Variants in XRN1 observed in about 807,000 individuals in gnomAD.
XRN1 encodes 5'-3' exoribonuclease 1.
XRN1 carries 67 observed loss-of-function variants against 222.3 expected under a neutral mutation model. The ratio of observed to expected loss-of-function variants is 0.30; its 90% CI spans 0.25 to 0.37. XRN1 has a LOEUF of 0.37. Ranked by LOEUF, XRN1 falls within the 10% of genes least tolerant of loss-of-function variation. The pLI is 1.00. For synonymous variants in XRN1, 643 were observed against 652.4 expected (o/e 0.99, Z 0.22); for missense variants, 1,707 against 2,000.2 (o/e 0.85, Z 2.80).
chr3:142,312,273 C>G (rs1376377037), intron 40 of XRN1, among the ~76,000 whole-genome samples: 1 of 151,788 alleles, frequency 6.6e-6, no homozygotes, highest in Non-Finnish European at 1.5e-5. Flanking sequence ...GAGTGAGATC[C>G]TTCTCCAAAA....
chr3:142,433,059 G>A (rs1368714232), intron 1 of XRN1, among the ~76,000 whole-genome samples, 166 bp from the exon 2 acceptor site: 1 of 152,126 alleles, frequency 6.6e-6, no homozygotes, highest in Non-Finnish European at 1.5e-5. Flanking sequence ...TAAAGAATTG[G>A]TAATATGGTG....
intron 27 of XRN1, among the ~76,000 whole-genome samples, chr3:142,367,379 ATTTG>A (rs1442718375): frequency 1.1e-5 from 1 of 91,970 alleles, no homozygotes. Context: ...TTCTCCGGTG[ATTTG>A]TTTGTTACCT....
chr3:142,404,790 G>A (rs904895529), intron 16 of XRN1, 117 bp downstream of exon 16: 6 of 950,970 alleles, frequency 6.3e-6, no homozygotes, highest in South Asian at 3.0e-5. Flanking sequence ...GACTATAACT[G>A]TCATAAACTA....
At chr3:142,363,467 G>A (rs2066715704) in intron 29 of XRN1, among the ~76,000 whole-genome samples, 1 of 151,786 alleles carries the variant, frequency 6.6e-6, no homozygotes, top group Non-Finnish European at 1.5e-5. Context: ...TACAGGTTTG[G>A]GTCTATTTCG....
At chr3:142,435,560 G>A (rs1482072391) in intron 1 of XRN1, among the ~76,000 whole-genome samples, 1 of 151,300 alleles carries the variant, frequency 6.6e-6, no homozygotes, top group East Asian at 2.0e-4. Flanking sequence ...AGGAGTTCAA[G>A]ATCAGCCTGG....
intron 33 of XRN1, among the ~76,000 whole-genome samples, chr3:142,339,004 C>T (rs2065916603): frequency 6.6e-6 from 1 of 152,112 alleles, no homozygotes; most frequent in Non-Finnish European, 1.5e-5. Context: ...TACCTGGGAC[C>T]TAAGGGAACA....
rs1000216755 is a variant in XRN1 at position 142,307,676 on chromosome 3, T to G, written c.*3835A>C. ...GGTTCAACACTATCTCTTACTGTATTGGAGAAGTTTGATGGAAATATGAAT... is the reference window on the plus strand; with the variant it reads ...GGTTCAACACTATCTCTTACTGTATGGGAGAAGTTTGATGGAAATATGAAT... On this transcript the variant is annotated 3_prime_UTR_variant, in exon 41 of 41. Transcript: ENST00000392981. 2.0e-5 allele frequency: 3 copies of G among 152,170 alleles called. No individual in the cohort carries two copies. Among genetic ancestry groups the G allele is most frequent in the African/African-American group, 7.2e-5 (3 of 41,456 alleles). The allele number at this position is 152,170 out of a possible 1,614,324, so 9.4% of individuals were successfully genotyped here.
At chr3:142,407,601 T>C (rs1386188706) in intron 15 of XRN1, 1 of 152,280 alleles carries the variant, frequency 6.6e-6, no homozygotes, top group East Asian at 1.9e-4. Context: ...AGTGCTGGGA[T>C]TACAGGCATG....
At chr3:142,345,162 C>T (rs560928813) in intron 33 of XRN1, among the ~76,000 whole-genome samples, 1 of 152,272 alleles carries the variant, frequency 6.6e-6, no homozygotes, top group South Asian at 2.1e-4. Flanking sequence ...ACTCAAACTC[C>T]TGGGTTCAAG....
At chr3:142,400,630 T>C (rs1008698617) in intron 18 of XRN1, 83 bp from the exon 19 acceptor site, 40 of 1,044,952 alleles carry the variant, frequency 3.8e-5, no homozygotes, top group Non-Finnish European at 5.5e-5. Context: ...CAATCTCCAT[T>C]TAAGTTTTTT....
At chr3:142,347,479 AC>A (rs1335109174) in intron 32 of XRN1, 137 bp from the exon 33 acceptor site, 8 of 532,724 alleles carry the variant, frequency 1.5e-5, no homozygotes, top group Non-Finnish European at 2.4e-5. Flanking sequence ...AAGTATAGAG[AC>A]TTTTAAAGCC....
intron 10 of XRN1, among the ~76,000 whole-genome samples, chr3:142,419,343 A>T (rs987291149): frequency 6.6e-6 from 1 of 152,122 alleles, no homozygotes; most frequent in African/African-American, 2.4e-5. Context: ...AGACACACAC[A>T]CACACACAAA....
In XRN1 at chr3:142,447,210, CCT is replaced by C. The variant is rs2070543553; in HGVS notation, c.75+658_75+659del. On this transcript the variant is annotated intron_variant, in intron 1 of 40. Transcript: ENST00000392981. The surrounding 1 kb of genome is among the most constrained non-coding windows in gnomAD (Gnocchi z 4.2). ...GTTCTATCAATTCGTTTCCCAACCC[CCT>C]CTGTCACACAGTGAGGCCTCCAAAT... 6.6e-6 allele frequency among the ~76,000 whole-genome samples: 1 copy of C among 152,178 alleles called. No individual in the cohort carries two copies. The highest frequency in any genetic ancestry group is 2.4e-5 in the African/African-American group (1 of 41,442).
chr3:142,383,558 A>G (rs2067380181), intron 21 of XRN1, 145 bp from the exon 22 acceptor site: 3 of 684,416 alleles, frequency 4.4e-6, no homozygotes, highest in Middle Eastern at 4.1e-4. Flanking sequence ...AAATTTGTTG[A>G]CTGGTTATAT....
intron 36 of XRN1, among the ~76,000 whole-genome samples, chr3:142,330,769 C>T (rs865900083): frequency 3.9e-5 from 6 of 151,962 alleles, no homozygotes; most frequent in Non-Finnish European, 2.9e-5. Flanking sequence ...AATTAATTAT[C>T]ACTGGAATAT....
Position 142,356,994 on chromosome 3 carries a change from T to C in XRN1, c.3590A>G (p.Gln1197Arg), listed in dbSNP as rs2066483096. Residue 1197 changes from glutamine to arginine, a missense_variant, in exon 31 of 41, where the codon CAA (glutamine) becomes CGA (arginine). Physicochemically the swap from Gln to Arg is conservative, Grantham distance 43. Transcript: ENST00000392981. ...AIVKPQPAVHQHSSSSSVSSG... is the reference protein window; with the variant it reads ...AIVKPQPAVHRHSSSSSVSSG... ...GGAAACTGATGAACTTGAGCTATGTTGATGTACAGCTGGTTGTGGTTTTAC... is the reference window on the plus strand; with the variant it reads ...GGAAACTGATGAACTTGAGCTATGTCGATGTACAGCTGGTTGTGGTTTTAC... 1 of 1,614,000 alleles carries C rather than the reference T, an allele frequency of 6.2e-7. No homozygotes were observed. Among genetic ancestry groups the C allele is most frequent in the African/African-American group, 1.3e-5 (1 of 74,926 alleles).
rs1204047574 is a variant in XRN1, at chr3:142,365,421, C to T, written c.3205-55G>A. 5 of 1,324,784 alleles carry T rather than the reference C, an allele frequency of 3.8e-6. No homozygotes were observed. The Admixed American group carries it at 7.0e-5, about 19-fold the overall frequency. 82.1% of individuals were successfully genotyped at this position (1,324,784 alleles called of 1,614,324 possible). The stretch of plus-strand genomic sequence containing the variant: ...TTTAAAATATAAAATTATAAAATCA[C>T]TACCTACTCACTACTTCCACATGTC... On this transcript the variant is annotated intron_variant, in intron 27 of 40. Transcript: ENST00000392981.
At chr3:142,318,985 A>AATG (rs2065278796) in intron 37 of XRN1, 82 bp from the exon 38 acceptor site, 2 of 1,149,282 alleles carry the variant, frequency 1.7e-6, no homozygotes, top group Non-Finnish European at 2.4e-6. Flanking sequence ...AAACAAGTAA[A>AATG]ATAATTTTAT....
At chr3:142,319,414 A>T (rs1454241385) in intron 37 of XRN1, among the ~76,000 whole-genome samples, 1 of 152,236 alleles carries the variant, frequency 6.6e-6, no homozygotes, top group Non-Finnish European at 1.5e-5. Flanking sequence ...TTGCCAAAAT[A>T]TAAAAGACTC....
Sources: allele counts gnomAD v4.1 joint callset (sites outside exome capture counted in the v4.1 genomes callset), GRCh38; gene constraint gnomAD v4.1.1; non-coding constraint Gnocchi (gnomAD v3.1); transcripts MANE v1.5; gene names NCBI Gene and HGNC (gene_info 2026-07-23, HGNC 2026-07-21).